CDK14: variants seen among roughly 807,000 people sequenced by gnomAD.
CDK14 encodes cyclin dependent kinase 14, also known as cyclin-dependent kinase 14.
In CDK14, 34 loss-of-function variants were observed where a neutral mutation model predicts 60.7. The ratio of observed to expected loss-of-function variants is 0.56; its 90% confidence interval spans 0.43 to 0.75. CDK14 has a LOEUF of 0.75. Among genes scored for constraint, CDK14 ranks in the 30% least tolerant of loss-of-function variants. The pLI, the probability that CDK14 is intolerant of heterozygous loss-of-function variation, is 0.00. For missense variants in CDK14, 482 were observed against 564.1 expected, an observed-to-expected ratio of 0.85 and a Z score of 1.47; for synonymous variants, 197 against 203.7, an observed-to-expected ratio of 0.97 and a Z score of 0.28.
At chr7:90,876,083 A>G (rs1296388852) in intron 6 of CDK14, among the ~76,000 whole-genome samples, 2 of 152,164 alleles carry the variant, frequency 1.3e-5, no homozygotes, top group Non-Finnish European at 2.9e-5. Context: ...CTTTGGCCAG[A>G]TAGCTGGTAC....
chr7:90,858,814 T>C (rs1251296284), intron 5 of CDK14, among the ~76,000 whole-genome samples: 2 of 152,194 alleles, frequency 1.3e-5, no homozygotes, highest in African/African-American at 4.8e-5. Context: ...ATCTGAAAGC[T>C]AGCTACCTAA....
At chr7:91,018,140 G>A (rs1796348858) in intron 10 of CDK14, among the ~76,000 whole-genome samples, 2 of 152,194 alleles carry the variant, frequency 1.3e-5, no homozygotes, top group Admixed American at 6.5e-5. Flanking sequence ...AGGAAAGGAA[G>A]CCATCTTTGT....
intron 2 of CDK14, among the ~76,000 whole-genome samples, chr7:90,701,246 GA>G (rs1274608721): frequency 1.3e-5 from 2 of 152,130 alleles, no homozygotes; most frequent in African/African-American, 4.8e-5. Context: ...TATCTATAAG[GA>G]TAGTCAGTTT....
chr7:90,917,858 G>T (rs1793127718), intron 8 of CDK14, 134 bp downstream of exon 8: 4 of 829,524 alleles, frequency 4.8e-6, no homozygotes, highest in South Asian at 2.5e-5. Context: ...TGAAATGAAG[G>T]ATTTTTTCTT....
intron 12 of CDK14, among the ~76,000 whole-genome samples, chr7:91,085,666 G>A (rs570481483): frequency 2.4e-4 from 37 of 152,262 alleles, no homozygotes; most frequent in African/African-American, 8.9e-4. Flanking sequence ...GCAGAGCACA[G>A]GGGAGCAAAT....
intron 5 of CDK14, among the ~76,000 whole-genome samples, chr7:90,809,363 G>A (rs772793013): frequency 1.6e-4 from 24 of 152,102 alleles, no homozygotes; most frequent in Non-Finnish European, 2.2e-4. Context: ...ACCTGCTCCC[G>A]AATGACTGCT....
intron 7 of CDK14, among the ~76,000 whole-genome samples, chr7:90,905,003 A>G (rs1441400124): frequency 6.6e-6 from 1 of 152,170 alleles, no homozygotes; most frequent in African/African-American, 2.4e-5. Context: ...ATGCACAAGG[A>G]GTTGAAAATT....
At chr7:90,717,943 C>T (rs548726977) in intron 2 of CDK14, among the ~76,000 whole-genome samples, 2 of 151,992 alleles carry the variant, frequency 1.3e-5, no homozygotes, top group South Asian at 4.2e-4. Context: ...CCCCCCACCC[C>T]ACCAAAATAA....
At chr7:90,729,345 T>TTTTTTG (rs2116722289) in intron 3 of CDK14, among the ~76,000 whole-genome samples, 1 of 52,890 alleles carries the variant, frequency 1.9e-5, no homozygotes, top group East Asian at 4.7e-4. Flanking sequence ...GGTATCAAGG[T>TTTTTTG]TTTTTTTTTT....
chr7:90,940,492 A>G (rs533875188), intron 8 of CDK14, among the ~76,000 whole-genome samples: 91 of 152,248 alleles, frequency 6.0e-4, no homozygotes, highest in Non-Finnish European at 1.1e-3. Context: ...TGTATGTATA[A>G]ATATACAATA....
rs546930063 is a variant in CDK14, at chr7:90,758,754, T to C, written c.464+10979T>C. ...TATCAATACTATATTCTATATAAGCTAGAACGTAGTGAGAAAGGCCCAGGT... is the reference window on the plus strand; with the variant it reads ...TATCAATACTATATTCTATATAAGCCAGAACGTAGTGAGAAAGGCCCAGGT... On this transcript the variant is annotated intron_variant, in intron 4 of 14. Coordinates refer to ENST00000380050, the MANE Select transcript of CDK14 (RefSeq NM_001287135.2). 2.0e-5 allele frequency among the ~76,000 whole-genome samples: 3 copies of C among 152,294 alleles called. No individual in the cohort carries two copies. The South Asian group carries it at 6.2e-4, about 32-fold the overall frequency.
chr7:90,984,018 G>T (rs1420885144), intron 9 of CDK14, 130 bp from the exon 10 acceptor site: 2 of 662,322 alleles, frequency 3.0e-6, no homozygotes, highest in African/African-American at 3.6e-5. Flanking sequence ...TAAAATAAAA[G>T]TTAGAGGGGA....
At chr7:90,963,124 T>TG (rs1562847414) in intron 9 of CDK14, among the ~76,000 whole-genome samples, 1 of 150,558 alleles carries the variant, frequency 6.6e-6, no homozygotes. Flanking sequence ...TGTGTGTGTG[T>TG]TTTAATTTAG....
At chr7:91,150,575 A>G (rs968351643) in intron 14 of CDK14, among the ~76,000 whole-genome samples, 1 of 152,248 alleles carries the variant, frequency 6.6e-6, no homozygotes, top group Non-Finnish European at 1.5e-5. Flanking sequence ...TTAAACACTT[A>G]AACTTTATTT....
rs971805465 is a variant in CDK14 at position 91,208,023 on chromosome 7, G to T, written c.*887G>T. The T allele has an allele frequency of 6.6e-6, 1 of 152,508 alleles. No individual in the cohort carries two copies. Among genetic ancestry groups the T allele is most frequent in the African/African-American group, 2.4e-5 (1 of 41,396 alleles). 9.4% of individuals were successfully genotyped at this position (152,508 alleles called of 1,614,324 possible). A position where few individuals can be genotyped will look rare whatever the true frequency, so the allele number is the denominator to read the frequency against. On this transcript the variant is annotated 3_prime_UTR_variant, in exon 15 of 15. Coordinates refer to ENST00000380050, the MANE Select transcript of CDK14 (RefSeq NM_001287135.2). The stretch of plus-strand genomic sequence containing the variant: ...TGAGGAACAGAATGTTTTAAATCTG[G>T]TGCAAAAGAACTATATCTGCTGGAT...
intron 10 of CDK14, among the ~76,000 whole-genome samples, chr7:91,034,248 G>A (rs1055163573): frequency 6.6e-6 from 1 of 152,094 alleles, no homozygotes; most frequent in Non-Finnish European, 1.5e-5. Context: ...GGTCCCAACC[G>A]GGCTGATGTT....
intron 5 of CDK14, among the ~76,000 whole-genome samples, chr7:90,800,762 T>C (rs1363618819): frequency 6.6e-6 from 1 of 152,240 alleles, no homozygotes; most frequent in Non-Finnish European, 1.5e-5. Flanking sequence ...GCTGGCTTAT[T>C]CTTTTGTAGT....
At chr7:90,908,972 T>C (rs1792803894) in intron 7 of CDK14, among the ~76,000 whole-genome samples, 1 of 152,180 alleles carries the variant, frequency 6.6e-6, no homozygotes. Context: ...GCCTTCTCAG[T>C]TGATATTAAG....
intron 11 of CDK14, among the ~76,000 whole-genome samples, chr7:91,054,088 A>ATT (rs10675646): frequency 0.23 from 26,282 of 112,806 alleles, 3,612 homozygotes; most frequent in East Asian, 0.31. Flanking sequence ...CTGCAAAATA[A>ATT]TTTTTTTTTT....
Sources: allele counts gnomAD v4.1 joint callset (sites outside exome capture counted in the v4.1 genomes callset), GRCh38; gene constraint gnomAD v4.1.1; transcripts MANE v1.5; gene names NCBI Gene and HGNC (gene_info 2026-07-23, HGNC 2026-07-21).